The following IVNS1ABP variants were observed in gnomAD, a reference collection of about 807,000 sequenced individuals.
IVNS1ABP encodes the protein influenza virus NS1A binding protein, also known as influenza virus NS1A-binding protein.
Under a neutral mutation model 78.9 loss-of-function variants are expected in IVNS1ABP, and 25 were observed. The observed-to-expected ratio is 0.32, with a 90% CI of 0.23 to 0.44. IVNS1ABP has a LOEUF of 0.44. Among genes scored for constraint, IVNS1ABP ranks in the 20% least tolerant of loss-of-function variants. The pLI is 1.00. For synonymous variants in IVNS1ABP, 241 were observed against 259.7 expected (o/e 0.93, Z 0.69); for missense variants, 494 against 768.9 (o/e 0.64, Z 4.23).
chr1:185,300,939 C>T, intron 10 of IVNS1ABP, 33 bp downstream of exon 10: 1 of 1,562,620 alleles, frequency 6.4e-7, no homozygotes, highest in East Asian at 2.3e-5. Flanking sequence ...TGCCCATCTA[C>T]ATGCTTAGCC....
intron 4 of IVNS1ABP, 36 bp from the exon 5 acceptor site, chr1:185,308,911 C>T (rs200257635): frequency 1.3e-6 from 2 of 1,579,992 alleles, no homozygotes; most frequent in African/African-American, 2.7e-5. Flanking sequence ...ATACCAAAGC[C>T]TTAAAACACA....
At chr1:185,304,833 T>G (rs990492302) in intron 8 of IVNS1ABP, among the ~76,000 whole-genome samples, 4 of 152,162 alleles carry the variant, frequency 2.6e-5, no homozygotes, top group African/African-American at 9.7e-5. Context: ...TAATTATGAC[T>G]TGTGTACTTT....
chr1:185,315,964 G>C (rs1666006295), intron 1 of IVNS1ABP, among the ~76,000 whole-genome samples: 1 of 152,270 alleles, frequency 6.6e-6, no homozygotes, highest in African/African-American at 2.4e-5. Context: ...TCCTTGAAAT[G>C]TCAGCTGTCT....
chr1:185,316,263 C>A (rs553344758), intron 1 of IVNS1ABP, among the ~76,000 whole-genome samples: 1 of 152,238 alleles, frequency 6.6e-6, no homozygotes, highest in South Asian at 2.1e-4. Flanking sequence ...CGCACACCCC[C>A]GCCCCGGATT....
In IVNS1ABP at chr1:185,300,005, T is replaced by C. The variant is rs1665529083; in HGVS notation, c.1495A>G (p.Asn499Asp). Residue 499 changes from asparagine (N) to aspartate (D), a missense_variant, in exon 13 of 15, where the codon AAC (asparagine) becomes GAC (aspartate). By Grantham distance (23) the Asn-to-Asp change is conservative (BLOSUM62 1). Coordinates refer to ENST00000367498, the MANE Select transcript of IVNS1ABP (RefSeq NM_006469.5). ...TKLWTSCAPLNIRRHQSAVCE... is the reference protein window; with the variant it reads ...TKLWTSCAPLDIRRHQSAVCE... ...GGAAAAAAAATCAACTTACGAATGT[T>C]AAGAGGGGCACAGCTTGTCCACAAC... 1 of 1,610,646 alleles carries C rather than the reference T, an allele frequency of 6.2e-7. No individual in the cohort carries two copies. Among genetic ancestry groups the C allele is most frequent in the Admixed American group, 1.7e-5 (1 of 59,352 alleles).
In IVNS1ABP at chr1:185,298,154, C is replaced by T. The variant is rs1302705886; in HGVS notation, c.1810G>A (p.Val604Ile). ...SPRSNAGIATVGNTIYAVGGF... is the reference protein window; with the variant it reads ...SPRSNAGIATIGNTIYAVGGF... ...CCCACTGCATAAATGGTGTTCCCTA[C>T]AGTTGCAATCCCAGCATTGCTCCTT... is the stretch of plus-strand genomic sequence containing the variant. The change falls in exon 15 of 15, where the codon GTA (valine) becomes ATA (isoleucine). Residue 604 changes from valine (V) to isoleucine (I), a missense_variant. Physicochemically the swap from Val to Ile is conservative, Grantham distance 29. Coordinates refer to ENST00000367498, the MANE Select transcript of IVNS1ABP (RefSeq NM_006469.5). The surrounding 1 kb of genome is among the most constrained non-coding windows in gnomAD (Gnocchi z 4.1). 2 of 1,613,772 alleles carry T rather than the reference C, an allele frequency of 1.2e-6. No homozygotes were observed. Among genetic ancestry groups the T allele is most frequent in the African/African-American group, 1.3e-5 (1 of 74,906 alleles).
In IVNS1ABP at chr1:185,298,354, T is replaced by C. The variant is rs1665478719; in HGVS notation, c.1676-66A>G. The stretch of plus-strand genomic sequence containing the variant: ...TGTAATAAGGTAAAACTCCCCTAAA[T>C]CTGTCTTTTGCTTAAAAATCAGTGG... On this transcript the variant is annotated intron_variant, in intron 14 of 14. Transcript: ENST00000367498. This position sits in a 1 kb window ranked among gnomAD's most constrained non-coding sequence, Gnocchi z 4.1. 6 of 1,436,136 alleles carry C rather than the reference T, an allele frequency of 4.2e-6. No homozygotes were observed. The Admixed American group carries it at 6.4e-5, about 15-fold the overall frequency. The allele number at this position is 1,436,136 out of a possible 1,614,324, so 89.0% of individuals were successfully genotyped here. A position where few individuals can be genotyped will look rare whatever the true frequency, so the allele number is the denominator to read the frequency against.
In IVNS1ABP at chr1:185,316,152, C is replaced by G. The variant is rs149202221; in HGVS notation, c.-247+801G>C. 7.4e-4 allele frequency among the ~76,000 whole-genome samples: 112 copies of G among 152,340 alleles called. 2 individuals carry two copies. The East Asian group carries it at 0.02, about 28-fold the overall frequency. ...GACGGAAAAAGAGCAAATCTTGCCACTGATTTCTTTCATAAAAAAGAAAGA... is the reference window on the plus strand; with the variant it reads ...GACGGAAAAAGAGCAAATCTTGCCAGTGATTTCTTTCATAAAAAAGAAAGA... On this transcript the variant is annotated intron_variant, in intron 1 of 14. Coordinates refer to ENST00000367498, the MANE Select transcript of IVNS1ABP (RefSeq NM_006469.5).
Position 185,317,178 on chromosome 1 carries a change from A to C in IVNS1ABP, c.-472T>G. On this transcript the variant is annotated 5_prime_UTR_variant, in exon 1 of 15. Transcript: ENST00000367498. ...CTCGCCGATACAGCCGCGCCGAAGC[A>C]GCAGGCGGAGAAACTGCGCCCAGCA... The C allele has an allele frequency of 7.5e-6, 3 of 397,618 alleles. No homozygotes were observed. The highest frequency in any genetic ancestry group is 3.6e-5 in the East Asian group (1 of 28,000). The allele number at this position is 397,618 out of a possible 1,614,324, so 24.6% of individuals were successfully genotyped here.
At chr1:185,301,801 T>A (rs1051931028) in intron 8 of IVNS1ABP, 3 of 299,526 alleles carry the variant, frequency 1.0e-5, no homozygotes, top group Non-Finnish European at 1.8e-5. Context: ...AAAAGCTCAG[T>A]TTTAACAATT....
chr1:185,305,433 T>C lies in IVNS1ABP; in HGVS notation c.765+103A>G, dbSNP rs1490500881. 1 of 1,251,854 alleles carries C rather than the reference T, an allele frequency of 8.0e-7. No homozygotes were observed. The highest frequency in any genetic ancestry group is 2.5e-5 in the East Asian group (1 of 39,766). The allele number at this position is 1,251,854 out of a possible 1,614,324, so 77.5% of individuals were successfully genotyped here. A position where few individuals can be genotyped will look rare whatever the true frequency, so the allele number is the denominator to read the frequency against. On this transcript the variant is annotated intron_variant, in intron 8 of 14. Transcript: ENST00000367498. This position sits in a 1 kb window ranked among gnomAD's most constrained non-coding sequence, Gnocchi z 4.0. Reference sequence around the variant, plus strand: ...AAATGTTTCTGTCCAGTTATACCAATGAAATTGGTCCACTTTCCTTTATTA... The same window carrying C: ...AAATGTTTCTGTCCAGTTATACCAACGAAATTGGTCCACTTTCCTTTATTA...
chr1:185,301,594 T>C (rs1466225095), intron 8 of IVNS1ABP, 31 bp from the exon 9 acceptor site: 8 of 1,611,416 alleles, frequency 5.0e-6, no homozygotes, highest in Non-Finnish European at 6.8e-6. Flanking sequence ...TACAGAAACC[T>C]AGCCAAAGAC....
intron 8 of IVNS1ABP, among the ~76,000 whole-genome samples, chr1:185,303,215 AAGAG>A (rs1288837650): frequency 6.6e-6 from 1 of 152,128 alleles, no homozygotes; most frequent in Non-Finnish European, 1.5e-5. Flanking sequence ...ATGACTGTGA[AAGAG>A]AAAGGCCCAA....
intron 14 of IVNS1ABP, 51 bp downstream of exon 14, chr1:185,299,659 A>G: frequency 6.4e-7 from 1 of 1,565,782 alleles, no homozygotes; most frequent in Non-Finnish European, 8.8e-7. Context: ...GAGTTTTAGA[A>G]CAAAGTCTTG....
At chr1:185,313,044 C>T (rs183937876) in intron 1 of IVNS1ABP, among the ~76,000 whole-genome samples, 1 of 152,280 alleles carries the variant, frequency 6.6e-6, no homozygotes, top group Non-Finnish European at 1.5e-5. Context: ...CAGTTTTACT[C>T]ACTTTTTACT....
At chr1:185,303,531 T>C (rs1262649112) in intron 8 of IVNS1ABP, among the ~76,000 whole-genome samples, 1 of 152,096 alleles carries the variant, frequency 6.6e-6, no homozygotes, top group African/African-American at 2.4e-5. Flanking sequence ...GAGTCACACA[T>C]GTCAGAATCC....
intron 7 of IVNS1ABP, chr1:185,306,529 G>A: frequency 7.8e-7 from 1 of 1,289,346 alleles, no homozygotes; most frequent in Non-Finnish European, 1.0e-6. Flanking sequence ...TTTTTCTTAG[G>A]AGAACTGGGG....
chr1:185,312,827 C>A (rs1665921957), intron 1 of IVNS1ABP, among the ~76,000 whole-genome samples: 1 of 152,156 alleles, frequency 6.6e-6, no homozygotes, highest in Non-Finnish European at 1.5e-5. Flanking sequence ...TCAGCCAAGA[C>A]CTGGCTCAAA....
rs1665580327 is a variant in IVNS1ABP, at chr1:185,300,984, G to T, written c.1108C>A (p.Leu370Ile). Residue 370 changes from leucine to isoleucine, a missense_variant, in exon 10 of 15, where the codon CTC becomes ATC. Leu to Ile is a conservative substitution (Grantham distance 5). Transcript: ENST00000367498. ...CTTCTGTTCTTACCTGCAGCTATGA[G>T]TTTGCCATTCATCTCTGCTGTTCCC... ...GLGTAEMNGKLIAAGGYNREE... is the reference protein window; with the variant it reads ...GLGTAEMNGKIIAAGGYNREE... The T allele has an allele frequency of 6.2e-7, 1 of 1,613,014 alleles. No individual in the cohort carries two copies. Among genetic ancestry groups the T allele is most frequent in the African/African-American group, 1.3e-5 (1 of 74,850 alleles).
Sources: allele counts gnomAD v4.1 joint callset (sites outside exome capture counted in the v4.1 genomes callset), GRCh38; gene constraint gnomAD v4.1.1; non-coding constraint Gnocchi (gnomAD v3.1); transcripts MANE v1.5; gene names NCBI Gene and HGNC (gene_info 2026-07-23, HGNC 2026-07-21).